The following TENT5D variants were observed in gnomAD, a reference collection of about 807,000 sequenced individuals.
The protein encoded by TENT5D is terminal nucleotidyltransferase 5D, also known as cancer/testis antigen 112.
For synonymous variants in TENT5D, 103 were observed against 100.6 expected (o/e 1.02, Z -0.15); for missense variants, 191 against 287.0 (o/e 0.67, Z 2.42).
chrX:80,338,795 C>CT (rs1929901897), intron 2 of TENT5D, among the ~76,000 whole-genome samples: 1 of 111,895 alleles, frequency 8.9e-6, no homozygotes, highest in African/African-American at 3.2e-5. Flanking sequence ...CTTTGATGTC[C>CT]TTTTTAAAAA....
chrX:80,382,369 G>A (rs746060995), intron 3 of TENT5D, among the ~76,000 whole-genome samples: 8 of 111,428 alleles, frequency 7.2e-5, no homozygotes, highest in East Asian at 2.9e-4. Context: ...AGGACCACCC[G>A]GTTGTATGAG....
intron 3 of TENT5D, among the ~76,000 whole-genome samples, chrX:80,366,208 A>T (rs199552287): frequency 2.0e-5 from 2 of 98,471 alleles, no homozygotes; most frequent in African/African-American, 7.4e-5. Context: ...GAAGACAGGG[A>T]GTGTGTGTGT....
intron 3 of TENT5D, among the ~76,000 whole-genome samples, chrX:80,344,159 A>G (rs960578619): frequency 1.8e-5 from 2 of 110,371 alleles, no homozygotes; most frequent in African/African-American, 6.6e-5. Flanking sequence ...GTAACATTCC[A>G]TGGTGTATAT....
At chrX:80,427,668 G>A (rs935619405) in intron 1 of TENT5D, among the ~76,000 whole-genome samples, 1 of 112,036 alleles carries the variant, frequency 8.9e-6, no homozygotes, top group Non-Finnish European at 1.9e-5. Context: ...GCTTAGGGTG[G>A]AACCATTTAA....
intron 1 of TENT5D, among the ~76,000 whole-genome samples, chrX:80,432,107 A>G (rs767544430): frequency 9.0e-6 from 1 of 111,206 alleles, no homozygotes; most frequent in South Asian, 4.0e-4. Context: ...CTATATCCCC[A>G]GGTTGCAAAA....
chrX:80,353,204 A>G (rs1930221244), intron 3 of TENT5D, among the ~76,000 whole-genome samples: 1 of 112,546 alleles, frequency 8.9e-6, no homozygotes, highest in South Asian at 3.6e-4. Context: ...TATTCTGGCT[A>G]TAAGTTCTTT....
intron 3 of TENT5D, among the ~76,000 whole-genome samples, chrX:80,351,027 G>C (rs1930167092): frequency 9.0e-6 from 1 of 111,426 alleles, no homozygotes; most frequent in South Asian, 3.8e-4. Context: ...TAGTCTGATG[G>C]GCGTACCTTT....
chrX:80,350,005 G>A (rs1930144400), intron 3 of TENT5D, among the ~76,000 whole-genome samples: 2 of 111,419 alleles, frequency 1.8e-5, no homozygotes, highest in South Asian at 7.7e-4. Context: ...ATTGCACTGT[G>A]GTCTGAGAGG....
chrX:80,380,127 T>C (rs1011651778), intron 3 of TENT5D, among the ~76,000 whole-genome samples: 1 of 109,211 alleles, frequency 9.2e-6, no homozygotes, highest in African/African-American at 3.3e-5. Context: ...CACAGTGCTT[T>C]AAATGTGTCC....
intron 3 of TENT5D, among the ~76,000 whole-genome samples, chrX:80,410,622 AG>A: frequency 9.9e-6 from 1 of 100,736 alleles, no homozygotes; most frequent in Non-Finnish European, 2.0e-5. Flanking sequence ...GTGGAGAAAT[AG>A]GAACACTTTT....
chrX:80,400,456 C>T (rs1344929251), intron 3 of TENT5D, among the ~76,000 whole-genome samples: 1 of 111,414 alleles, frequency 9.0e-6, no homozygotes, highest in Non-Finnish European at 1.9e-5. Flanking sequence ...AAATGAAGCC[C>T]GCAAATTCAT....
chrX:80,421,920 A>G (rs1303620203), intron 1 of TENT5D, among the ~76,000 whole-genome samples: 1 of 110,894 alleles, frequency 9.0e-6, no homozygotes, highest in African/African-American at 3.3e-5. Context: ...ATGTGAGGAG[A>G]AGGAGGAGTT....
At chrX:80,400,659 C>A (rs1931374353) in intron 3 of TENT5D, among the ~76,000 whole-genome samples, 1 of 111,948 alleles carries the variant, frequency 8.9e-6, no homozygotes, top group African/African-American at 3.2e-5. Flanking sequence ...GGATTATAAT[C>A]TTTTGTGTTT....
At chrX:80,430,209 G>A (rs1256666691) in intron 1 of TENT5D, among the ~76,000 whole-genome samples, 1 of 111,434 alleles carries the variant, frequency 9.0e-6, no homozygotes. Context: ...TATTTATTGG[G>A]GTCATTAGAA....
chrX:80,428,617 T>A (rs1485512200), intron 1 of TENT5D, among the ~76,000 whole-genome samples: 1 of 112,291 alleles, frequency 8.9e-6, no homozygotes, highest in Non-Finnish European at 1.9e-5. Flanking sequence ...CGTTCTTAAG[T>A]TAGGGAGTGA....
intron 3 of TENT5D, among the ~76,000 whole-genome samples, chrX:80,410,775 C>G (rs1197469102): frequency 9.1e-6 from 1 of 110,112 alleles, no homozygotes; most frequent in Non-Finnish European, 1.9e-5. Flanking sequence ...AATCTTGCTA[C>G]TATAAAGACA....
chrX:80,356,936 G>A (rs906930212), intron 3 of TENT5D, among the ~76,000 whole-genome samples: 2 of 110,121 alleles, frequency 1.8e-5, no homozygotes, highest in East Asian at 2.9e-4. Context: ...AACAGGCCCC[G>A]GTGTGTGATG....
At chrX:80,367,178 A>G (rs1930527892) in intron 3 of TENT5D, among the ~76,000 whole-genome samples, 1 of 111,684 alleles carries the variant, frequency 9.0e-6, no homozygotes, top group African/African-American at 3.2e-5. Context: ...ATAATGTGAC[A>G]TGATCCCCTT....
chrX:80,426,811 T>G (rs1602221005), intron 1 of TENT5D, among the ~76,000 whole-genome samples: 1 of 111,991 alleles, frequency 8.9e-6, no homozygotes, highest in African/African-American at 3.2e-5. Context: ...TGATATGGTT[T>G]GTCTGTGTCC....
Sources: gnomAD v4.1 joint callset for allele counts (sites outside exome capture counted in the v4.1 genomes callset) on GRCh38, gnomAD v4.1.1 for gene constraint, MANE v1.5 for transcripts, NCBI Gene and HGNC (gene_info 2026-07-23, HGNC 2026-07-21) for gene names.